QDPR: variants seen among roughly 807,000 people sequenced by gnomAD.
QDPR encodes the protein dihydropteridine reductase.
In QDPR, 23 loss-of-function variants were observed where a neutral mutation model predicts 31.7. The ratio of observed to expected loss-of-function variants is 0.73; its 90% confidence interval spans 0.52 to 1.03. The LOEUF (loss-of-function observed/expected upper bound fraction) is 1.03, where lower values mean the gene tolerates loss of function less well. Ranked by LOEUF, QDPR falls within the 50% of genes least tolerant of loss-of-function variation. The pLI, the probability that QDPR is intolerant of heterozygous loss-of-function variation, is 0.00. For missense variants in QDPR, 324 were observed against 323.8 expected (o/e 1.00, Z 0.00); for synonymous variants, 124 against 124.7 (o/e 0.99, Z 0.03).
Position 17,486,633 on chromosome 4 carries a change from C to G in QDPR, c.*498G>C, listed in dbSNP as rs1307404791. 1.2e-5 allele frequency: 2 copies of G among 169,610 alleles called. No homozygotes were observed. The highest frequency in any genetic ancestry group is 2.6e-5 in the Non-Finnish European group (2 of 77,302). The allele number at this position is 169,610 out of a possible 1,614,324, so 10.5% of individuals were successfully genotyped here. A position where few individuals can be genotyped will look rare whatever the true frequency, so the allele number is the denominator to read the frequency against. Reference sequence around the variant, plus strand: ...GGCCAGAGGACACGGGGCAACCACACAGGAAAAGGATACCAGGACAGAGTC... The same window carrying G: ...GGCCAGAGGACACGGGGCAACCACAGAGGAAAAGGATACCAGGACAGAGTC... On this transcript the variant is annotated 3_prime_UTR_variant, in exon 7 of 7. Transcript: ENST00000281243.
chr4:17,509,393 G>T, intron 1 of QDPR, 30 bp from the exon 2 acceptor site: 1 of 1,581,934 alleles, frequency 6.3e-7, no homozygotes, highest in African/African-American at 1.3e-5. Flanking sequence ...TTGGTTAAGA[G>T]GCAGTGAGTT....
At chr4:17,490,280 T>A (rs974856204) in intron 6 of QDPR, 1 of 311,508 alleles carries the variant, frequency 3.2e-6, no homozygotes, top group East Asian at 7.6e-5. Context: ...TGGGGATCAC[T>A]GAGCACTTGT....
chr4:17,490,697 G>C lies in QDPR; in HGVS notation c.594C>G (p.Asp198Glu). The C allele has an allele frequency of 1.2e-6, 2 of 1,614,088 alleles. No homozygotes were observed. Among genetic ancestry groups the C allele is most frequent in the Non-Finnish European group, 1.7e-6 (2 of 1,179,934 alleles). ...ATTCTAAGGGTGTCCAGGAGCTGAA[G>C]TCAGCCTCAGGCATTGATTTCCTGT... ...PMNRKSMPEA[D>E]FSSWTPLEFL... Residue 198 changes from aspartate to glutamate, a missense_variant, in exon 6 of 7, where the codon GAC (aspartate) becomes GAG (glutamate). Physicochemically the swap from Asp to Glu is conservative, Grantham distance 45. Transcript: ENST00000281243.
At chr4:17,493,715 T>G (rs1311587310) in intron 4 of QDPR, among the ~76,000 whole-genome samples, 1 of 152,140 alleles carries the variant, frequency 6.6e-6, no homozygotes, top group Non-Finnish European at 1.5e-5. Context: ...GTGCCCTCCA[T>G]GTGTTCAACC....
chr4:17,488,931 C>G (rs1489324312), intron 6 of QDPR, among the ~76,000 whole-genome samples: 1 of 152,192 alleles, frequency 6.6e-6, no homozygotes, highest in Non-Finnish European at 1.5e-5. Context: ...AGGGAAGGCT[C>G]TGAAAGAGAC....
At chr4:17,505,502 C>T (rs929485998) in intron 2 of QDPR, among the ~76,000 whole-genome samples, 2 of 152,156 alleles carry the variant, frequency 1.3e-5, no homozygotes, top group Non-Finnish European at 2.9e-5. Context: ...CTGCCTCGGC[C>T]TCTCAGAGTG....
rs1718003467 is a variant in QDPR at position 17,487,388 on chromosome 4, A to G, written c.630-152T>C. The G allele has an allele frequency of 1.3e-5, 9 of 668,548 alleles. No homozygotes were observed. The South Asian group carries it at 1.5e-4, about 11-fold the overall frequency. The allele number at this position is 668,548 out of a possible 1,614,324, so 41.4% of individuals were successfully genotyped here. A position where few individuals can be genotyped will look rare whatever the true frequency, so the allele number is the denominator to read the frequency against. ...CTAAGGGCTGGGCGCCATGGCTCAC[A>G]CCTGTGATCCCAGCACTTTGGGAGG... On this transcript the variant is annotated intron_variant, in intron 6 of 6. Transcript: ENST00000281243.
Position 17,490,746 on chromosome 4 carries a change from C to G in QDPR, c.546-1G>C, listed in dbSNP as rs995264302. 1 of 1,612,466 alleles carries G rather than the reference C, an allele frequency of 6.2e-7. No homozygotes were observed. Among genetic ancestry groups the G allele is most frequent in the South Asian group, 1.1e-5 (1 of 90,974 alleles). ...GTTCATCGGGGTATCCAGGGTAACCCTGCAATGGACACAGATAAGCACGTC... is the reference window on the plus strand; with the variant it reads ...GTTCATCGGGGTATCCAGGGTAACCGTGCAATGGACACAGATAAGCACGTC... On this transcript the variant is annotated splice_acceptor_variant, in intron 5 of 6. Transcript: ENST00000281243. LOFTEE classifies it high-confidence loss of function.
intron 4 of QDPR, among the ~76,000 whole-genome samples, chr4:17,499,881 A>C (rs760665846): frequency 6.6e-6 from 1 of 152,158 alleles, no homozygotes; most frequent in African/African-American, 2.4e-5. Flanking sequence ...TCATACCACT[A>C]CATTCCAGCC....
chr4:17,487,145 G>C lies in QDPR; in HGVS notation c.721C>G (p.Pro241Ala), dbSNP rs760820409. 3.1e-6 allele frequency: 5 copies of C among 1,614,098 alleles called. No homozygotes were observed. The highest frequency in any genetic ancestry group is 1.1e-5 in the South Asian group (1 of 91,082). ...VTTEGRTELT[P>A]AYF ...TGAGATGAGGCCTAAAAATATGCTG[G>C]GGTGAGTTCCGTCCTTCCTTCTGTG... Residue 241 changes from proline (P) to alanine (A), a missense_variant, in exon 7 of 7, where the codon CCA (proline) becomes GCA (alanine). By Grantham distance (27) the Pro-to-Ala change is conservative. Transcript: ENST00000281243.
chr4:17,508,943 G>C (rs1406190439), intron 2 of QDPR, among the ~76,000 whole-genome samples: 2 of 152,138 alleles, frequency 1.3e-5, no homozygotes, highest in African/African-American at 2.4e-5. Flanking sequence ...CGGATCACAA[G>C]GTCAGGAGTT....
Position 17,501,808 on chromosome 4 carries a change from G to A in QDPR, c.347C>T (p.Thr116Ile). 2 of 1,614,190 alleles carry A rather than the reference G, an allele frequency of 1.2e-6. No homozygotes were observed. Among genetic ancestry groups the A allele is most frequent in the South Asian group, 1.1e-5 (1 of 91,084 alleles). Residue 116 changes from threonine to isoleucine, a missense_variant, in exon 4 of 7, where the codon ACC becomes ATC. Coordinates refer to ENST00000281243, the MANE Select transcript of QDPR (RefSeq NM_000320.3). The part of the protein sequence containing the change: ...LMWKQSIWTS[T>I]ISSHLATKHL... ...CTTGGTAGCCAGATGGCTGGAGATGGTCGATGTCCATATGCTCTGCTTCCA... is the reference window on the plus strand; with the variant it reads ...CTTGGTAGCCAGATGGCTGGAGATGATCGATGTCCATATGCTCTGCTTCCA...
intron 4 of QDPR, among the ~76,000 whole-genome samples, chr4:17,497,412 C>A (rs965633800): frequency 6.6e-6 from 1 of 150,730 alleles, no homozygotes; most frequent in African/African-American, 2.5e-5. Context: ...GAGGTGGACT[C>A]ACCCCCACCA....
At chr4:17,509,552 C>G (rs553619548) in intron 1 of QDPR, among the ~76,000 whole-genome samples, 189 bp from the exon 2 acceptor site, 1 of 152,076 alleles carries the variant, frequency 6.6e-6, no homozygotes, top group African/African-American at 2.4e-5. Flanking sequence ...ATAGCAAGAC[C>G]CAGTCCCTAC....
At chr4:17,503,710 G>A (rs1577192688) in intron 3 of QDPR, among the ~76,000 whole-genome samples, 1 of 152,334 alleles carries the variant, frequency 6.6e-6, no homozygotes, top group East Asian at 1.9e-4. Flanking sequence ...AGCACTTTGG[G>A]AGGCTGAAGG....
At chr4:17,500,236 A>C (rs1370668189) in intron 4 of QDPR, among the ~76,000 whole-genome samples, 2 of 151,936 alleles carry the variant, frequency 1.3e-5, no homozygotes, top group Non-Finnish European at 2.9e-5. Flanking sequence ...TACAGGTGTG[A>C]GCCACTGCAC....
chr4:17,509,019 G>A (rs1235998693), intron 2 of QDPR, among the ~76,000 whole-genome samples: 5 of 152,138 alleles, frequency 3.3e-5, no homozygotes, highest in East Asian at 1.9e-4. Flanking sequence ...TTAGCTGGGG[G>A]TGGTGGCAGG....
intron 4 of QDPR, 120 bp from the exon 5 acceptor site, chr4:17,492,460 T>C: frequency 1.2e-6 from 1 of 823,892 alleles, no homozygotes; most frequent in Non-Finnish European, 2.0e-6. Flanking sequence ...GCATCTGGCC[T>C]CCTCCTTCAG....
At chr4:17,497,751 C>T (rs1458710628) in intron 4 of QDPR, among the ~76,000 whole-genome samples, 1 of 152,160 alleles carries the variant, frequency 6.6e-6, no homozygotes, top group Non-Finnish European at 1.5e-5. Flanking sequence ...ACAAGCCAAG[C>T]ACCCAGAAGA....
Sources: gnomAD v4.1 joint callset for allele counts (sites outside exome capture counted in the v4.1 genomes callset) on GRCh38, gnomAD v4.1.1 for gene constraint, MANE v1.5 for transcripts, NCBI Gene and HGNC (gene_info 2026-07-23, HGNC 2026-07-21) for gene names.